BTBD9: variants seen among roughly 807,000 people sequenced by gnomAD.
The protein encoded by BTBD9 is BTB domain containing 9.
Under a neutral mutation model 64.3 loss-of-function variants are expected in BTBD9, and 49 were observed. That is an observed-to-expected ratio of 0.76 (90% CI 0.61 to 0.97). The LOEUF (loss-of-function observed/expected upper bound fraction) is 0.97. Among genes scored for constraint, BTBD9 ranks in the 50% least tolerant of loss-of-function variants. The pLI, the probability that BTBD9 is intolerant of heterozygous loss-of-function variation, is 0.00. For synonymous variants in BTBD9, 260 were observed against 274.7 expected (o/e 0.95, Z 0.53); for missense variants, 598 against 762.1 (o/e 0.78, Z 2.53).
At chr6:38,495,104 C>T (rs1254284199) in intron 6 of BTBD9, among the ~76,000 whole-genome samples, 1 of 152,182 alleles carries the variant, frequency 6.6e-6, no homozygotes, top group African/African-American at 2.4e-5. Flanking sequence ...TACCTTTCAC[C>T]GAAACCGACA....
chr6:38,219,892 C>T (rs1361723349), intron 9 of BTBD9, among the ~76,000 whole-genome samples: 1 of 152,196 alleles, frequency 6.6e-6, no homozygotes, highest in Admixed American at 6.5e-5. Flanking sequence ...TAATTAGACC[C>T]TCTTTGAAGG....
intron 9 of BTBD9, among the ~76,000 whole-genome samples, chr6:38,229,092 G>C (rs1316787903): frequency 6.6e-6 from 1 of 151,902 alleles, no homozygotes; most frequent in Non-Finnish European, 1.5e-5. Flanking sequence ...CAGCTACATG[G>C]GAGGCTGAGG....
chr6:38,523,924 C>T (rs947221049), intron 6 of BTBD9, among the ~76,000 whole-genome samples: 1 of 152,170 alleles, frequency 6.6e-6, no homozygotes, highest in Non-Finnish European at 1.5e-5. Context: ...TGCTCTTAAA[C>T]CACTGTGTTC....
rs563339294 is a variant in BTBD9, at chr6:38,297,066, T to C, written c.1265-8605A>G. ...TATATGCTTACTAATTACTGGGAGA[T>C]GTTTGTTAAAATCTCCTGCGGTCAG... On this transcript the variant is annotated intron_variant, in intron 7 of 10. Transcript: ENST00000481247. Among the ~76,000 whole-genome samples the C allele has an allele frequency of 5.9e-5, 9 of 152,308 alleles. No individual in the cohort carries two copies. In the South Asian group the frequency reaches 1.0e-3, roughly 18 times the overall value.
chr6:38,177,112 C>A (rs1483961534), intron 10 of BTBD9, among the ~76,000 whole-genome samples: 1 of 152,176 alleles, frequency 6.6e-6, no homozygotes, highest in East Asian at 1.9e-4. Context: ...TCCGGCCCCA[C>A]CATGTTCTTT....
chr6:38,285,126 G>A (rs561380009), intron 8 of BTBD9, among the ~76,000 whole-genome samples: 15 of 152,260 alleles, frequency 9.9e-5, no homozygotes, highest in African/African-American at 2.9e-4. Context: ...TGAGAGAAGG[G>A]TGTGGCCATA....
At chr6:38,320,949 G>C (rs903332525) in intron 7 of BTBD9, among the ~76,000 whole-genome samples, 26 of 152,246 alleles carry the variant, frequency 1.7e-4, no homozygotes, top group Non-Finnish European at 3.8e-4. Flanking sequence ...GTAATATGCA[G>C]CTGGCAGTTT....
intron 6 of BTBD9, among the ~76,000 whole-genome samples, chr6:38,562,524 C>A (rs2748172): frequency 0.69 from 105,430 of 152,118 alleles, 37,825 homozygotes; most frequent in African/African-American, 0.89. Context: ...GATAAATAAA[C>A]ATCTACTACT....
At position 38,224,799 on chromosome 6, in the gene BTBD9, A is replaced by C. The variant is rs376783660; in HGVS notation, c.1562+31610T>G. Among the ~76,000 whole-genome samples, 218 of 152,332 alleles carry C rather than the reference A, an allele frequency of 1.4e-3. 1 individual carries two copies. Among genetic ancestry groups the C allele is most frequent in the African/African-American group, 4.9e-3 (205 of 41,580 alleles). On this transcript the variant is annotated intron_variant, in intron 9 of 10. Coordinates refer to ENST00000481247, the MANE Select transcript of BTBD9 (RefSeq NM_001099272.2). ...ATCCAAATATCACCCATTACAAACC[A>C]ACGCTTAACGTGGAGCTTGTTTCAG...
At chr6:38,338,725 A>C (rs999508042) in intron 7 of BTBD9, among the ~76,000 whole-genome samples, 10 of 152,180 alleles carry the variant, frequency 6.6e-5, no homozygotes, top group Admixed American at 6.5e-4. Context: ...GCCACACTCT[A>C]ATCTCAGTGT....
chr6:38,393,853 C>T (rs1483382167), intron 6 of BTBD9, among the ~76,000 whole-genome samples: 1 of 152,086 alleles, frequency 6.6e-6, no homozygotes, highest in African/African-American at 2.4e-5. Flanking sequence ...AATCTTCATT[C>T]TATTAAGAAG....
chr6:38,517,243 G>C (rs1434914659), intron 6 of BTBD9, among the ~76,000 whole-genome samples: 1 of 152,168 alleles, frequency 6.6e-6, no homozygotes, highest in African/African-American at 2.4e-5. Context: ...CAGTTCATAA[G>C]GTTAAACTTT....
intron 9 of BTBD9, among the ~76,000 whole-genome samples, chr6:38,238,324 T>C (rs866349722): frequency 3.3e-5 from 5 of 152,200 alleles, no homozygotes; most frequent in Admixed American, 6.5e-5. Flanking sequence ...ACATGTAAGA[T>C]TTACATTGGT....
At position 38,383,323 on chromosome 6, in the gene BTBD9, TAACA is replaced by T. The variant is rs1264280800; in HGVS notation, c.1155-38234_1155-38231del. ...TAAATCCAACCACTATTTAAAAATT[TAACA>T]AACACTCAGCAAACCAGGAATATAA... On this transcript the variant is annotated intron_variant, in intron 6 of 10. Transcript: ENST00000481247. Among the ~76,000 whole-genome samples the T allele has an allele frequency of 2.6e-5, 4 of 152,338 alleles. No individual in the cohort carries two copies. The East Asian group carries it at 7.7e-4, about 29-fold the overall frequency.
chr6:38,504,359 T>G, intron 6 of BTBD9: 1 of 312,906 alleles, frequency 3.2e-6, no homozygotes, highest in South Asian at 3.0e-5. Context: ...GGGCTATTAT[T>G]TTACGGAGAC....
At chr6:38,308,258 A>G (rs1016823447) in intron 7 of BTBD9, among the ~76,000 whole-genome samples, 1 of 152,224 alleles carries the variant, frequency 6.6e-6, no homozygotes, top group African/African-American at 2.4e-5. Context: ...GTATAAAGAA[A>G]AAAGATAAAC....
chr6:38,498,056 T>A (rs1772032315), intron 6 of BTBD9, among the ~76,000 whole-genome samples: 1 of 152,244 alleles, frequency 6.6e-6, no homozygotes, highest in Non-Finnish European at 1.5e-5. Flanking sequence ...ACAATAACTA[T>A]AAAGTGTCTT....
chr6:38,354,678 C>T (rs181888749), intron 6 of BTBD9, among the ~76,000 whole-genome samples: 126 of 152,200 alleles, frequency 8.3e-4, no homozygotes, highest in African/African-American at 2.8e-3. Context: ...TTCAAGGACC[C>T]TCCTTTTCCC....
intron 9 of BTBD9, among the ~76,000 whole-genome samples, chr6:38,216,318 T>C (rs1763006383): frequency 1.3e-5 from 2 of 152,268 alleles, no homozygotes; most frequent in Admixed American, 1.3e-4. Flanking sequence ...GACTCCCAAC[T>C]TTGGGTCAAA....
Sources: gnomAD v4.1 joint callset for allele counts (sites outside exome capture counted in the v4.1 genomes callset) on GRCh38, gnomAD v4.1.1 for gene constraint, MANE v1.5 for transcripts, NCBI Gene and HGNC (gene_info 2026-07-23, HGNC 2026-07-21) for gene names.